RTEL1: variants seen among roughly 807,000 people sequenced by gnomAD.
The protein encoded by RTEL1 is regulator of telomere elongation helicase 1, also known as regulator of telomere length.
A neutral mutation model predicts 162.2 loss-of-function variants in RTEL1; 86 were observed. The observed-to-expected ratio is 0.53, with a 90% CI of 0.45 to 0.63. The LOEUF is 0.63. RTEL1 is among the 30% of genes least tolerant of loss of function. RTEL1 has a pLI of 0.00. For synonymous variants in RTEL1, 958 were observed against 717.9 expected (o/e 1.33, Z -5.35); for missense variants, 1,941 against 1,750.2 (o/e 1.11, Z -1.95).
intron 8 of RTEL1, among the ~76,000 whole-genome samples, chr20:63,671,188 G>A (rs1379201252): frequency 2.0e-5 from 3 of 152,132 alleles, no homozygotes; most frequent in Non-Finnish European, 4.4e-5. Flanking sequence ...AGCCTTCCGA[G>A]TAGCTGGGAC....
intron 9 of RTEL1, 132 bp downstream of exon 9, chr20:63,672,753 C>T: frequency 1.3e-6 from 1 of 742,948 alleles, no homozygotes; most frequent in South Asian, 1.6e-5. Context: ...GGACTGAGCA[C>T]ACCAGGAGCT....
rs767334623 is a variant in RTEL1 at position 63,685,843 on chromosome 20, C to G, written c.1319C>G (p.Ala440Gly). The G allele has an allele frequency of 1.1e-5, 18 of 1,612,520 alleles. No homozygotes were observed. Among genetic ancestry groups the G allele is most frequent in the Non-Finnish European group, 1.5e-5 (18 of 1,179,912 alleles). The change falls in exon 16 of 35, where the codon GCC becomes GGC. Residue 440 changes from alanine (A) to glycine (G), a missense_variant. Physicochemically the swap from Ala to Gly is moderately conservative, Grantham distance 60. Transcript: ENST00000360203. Reference protein sequence around the residue: ...GHRRTAQRSDAWSTTAARKRG... With the variant: ...GHRRTAQRSDGWSTTAARKRG... ...CGGAGGACGGCTCAGCGGTCTGATG[C>G]CTGGAGCACCACTGCAGCCAGAAAG...
chr20:63,689,401 C>T (rs1290871153), intron 22 of RTEL1, 101 bp from the exon 23 acceptor site: 4 of 1,365,408 alleles, frequency 2.9e-6, no homozygotes, highest in East Asian at 5.1e-5. Context: ...CCTCCCACCC[C>T]TGGTTGGGGA....
chr20:63,673,175 C>T (rs888733705), intron 9 of RTEL1, among the ~76,000 whole-genome samples: 3 of 151,952 alleles, frequency 2.0e-5, no homozygotes, highest in African/African-American at 4.8e-5. Flanking sequence ...GGGCGGATCA[C>T]GAGGTCAAGA....
intron 8 of RTEL1, among the ~76,000 whole-genome samples, chr20:63,671,462 T>A (rs1354498667): frequency 6.6e-6 from 1 of 152,036 alleles, no homozygotes; most frequent in Non-Finnish European, 1.5e-5. Flanking sequence ...CTCAGTACAC[T>A]TAAAATGAAC....
rs2090187895 is a variant in RTEL1, at chr20:63,668,602, G to A, written c.699+1049G>A. On this transcript the variant is annotated intron_variant, in intron 8 of 34. Transcript: ENST00000360203. This position sits in a 1 kb window ranked among gnomAD's most constrained non-coding sequence, Gnocchi z 4.3. ...TGCAGCAGAGCAAGGGAAGAGGTGA[G>A]TGGGGGCGGCTGGGGGGCCGACTCC... is the stretch of plus-strand genomic sequence containing the variant. Among the ~76,000 whole-genome samples, 1 of 152,140 alleles carries A rather than the reference G, an allele frequency of 6.6e-6. No homozygotes were observed. Among genetic ancestry groups the A allele is most frequent in the African/African-American group, 2.4e-5 (1 of 41,418 alleles).
rs938247900 is a variant in RTEL1 at position 63,668,790 on chromosome 20, C to CT, written c.699+1238dup. 6.6e-5 allele frequency among the ~76,000 whole-genome samples: 10 copies of CT among 152,300 alleles called. No individual in the cohort carries two copies. The highest frequency in any genetic ancestry group is 6.2e-4 in the South Asian group (3 of 4,826). ...TTATATCACAGCTGGTAAGCCGAGT[C>CT]TAACACTTTCACGGAAACGCAGAAG... On this transcript the variant is annotated intron_variant, in intron 8 of 34. Transcript: ENST00000360203. The surrounding 1 kb of genome is among the most constrained non-coding windows in gnomAD (Gnocchi z 4.3).
chr20:63,658,291 A>C (rs1376135663), upstream of RTEL1: 3 of 152,398 alleles, frequency 2.0e-5, no homozygotes, highest in Admixed American at 6.5e-5. Flanking sequence ...AGCACAAAGC[A>C]ACGGACCGGA....
chr20:63,690,228 G>A lies in RTEL1; in HGVS notation c.2265+18G>A, dbSNP rs2090701705. The A allele has an allele frequency of 6.2e-6, 10 of 1,610,276 alleles. No individual in the cohort carries two copies. Among genetic ancestry groups the A allele is most frequent in the Non-Finnish European group, 7.6e-6 (9 of 1,178,074 alleles). On this transcript the variant is annotated intron_variant, in intron 25 of 34. Coordinates refer to ENST00000360203, the MANE Select transcript of RTEL1 (RefSeq NM_001283009.2). Reference sequence around the variant, plus strand: ...AGCGAACTGTGAGTTCCTGCCCAGGGAGGGGATGAGGGTGTTGTCCCCAGA... The same window carrying A: ...AGCGAACTGTGAGTTCCTGCCCAGGAAGGGGATGAGGGTGTTGTCCCCAGA...
At position 63,693,162 on chromosome 20, in the gene RTEL1, G is replaced by A. The variant is rs1282351226; in HGVS notation, c.2871G>A (p.Arg957=). 10 of 1,612,190 alleles carry A rather than the reference G, an allele frequency of 6.2e-6. No individual in the cohort carries two copies. Among genetic ancestry groups the A allele is most frequent in the South Asian group, 2.2e-5 (2 of 91,092 alleles). ...CTACAGGCTTCTACCAGTTTGTGCG[G>A]CCCCACCATAAGCAGCAGTTTGAGG... ...NLLQGFYQFV[R]PHHKQQFEEV... The change falls in exon 30 of 35, where the codon CGG becomes CGA. Residue 957 remains arginine (R), a synonymous_variant. Coordinates refer to ENST00000360203, the MANE Select transcript of RTEL1 (RefSeq NM_001283009.2).
chr20:63,677,327 A>C (rs1233315952), intron 10 of RTEL1, among the ~76,000 whole-genome samples: 1 of 152,194 alleles, frequency 6.6e-6, no homozygotes, highest in Non-Finnish European at 1.5e-5. Context: ...TCTAAAGGTC[A>C]AACACCCGGC....
Position 63,696,115 on chromosome 20 carries a change from C to T in RTEL1, c.*257C>T, listed in dbSNP as rs2090974030. The T allele has an allele frequency of 1.8e-6, 1 of 543,404 alleles. No homozygotes were observed. The allele number at this position is 543,404 out of a possible 1,614,324, so 33.7% of individuals were successfully genotyped here. Reference sequence around the variant, plus strand: ...GTGCTTCCCCAGAACTTCCCTGGCTCCTGGCCTGTGAGTGGTGCCACAGGG... The same window carrying T: ...GTGCTTCCCCAGAACTTCCCTGGCTTCTGGCCTGTGAGTGGTGCCACAGGG... On this transcript the variant is annotated 3_prime_UTR_variant, in exon 35 of 35. Coordinates refer to ENST00000360203, the MANE Select transcript of RTEL1 (RefSeq NM_001283009.2).
chr20:63,665,739 C>A (rs964432892), intron 6 of RTEL1, among the ~76,000 whole-genome samples: 6 of 152,166 alleles, frequency 3.9e-5, no homozygotes, highest in Non-Finnish European at 8.8e-5. Context: ...GCGTAGAACC[C>A]TCGGGATCCT....
rs1398142446 is a variant in RTEL1, at chr20:63,687,925, G to C, written c.1482-12G>C. The C allele has an allele frequency of 6.2e-7, 1 of 1,611,696 alleles. No homozygotes were observed. The highest frequency in any genetic ancestry group is 1.1e-5 in the South Asian group (1 of 91,054). On this transcript the variant is annotated splice_polypyrimidine_tract_variant and intron_variant, in intron 17 of 34. Coordinates refer to ENST00000360203, the MANE Select transcript of RTEL1 (RefSeq NM_001283009.2). Reference sequence around the variant, plus strand: ...CACTTCCCCACTGTCTGCTCCCTCTGGCCACGCTCAGCCCTTTCCCAGTCT... The same window carrying C: ...CACTTCCCCACTGTCTGCTCCCTCTCGCCACGCTCAGCCCTTTCCCAGTCT...
At chr20:63,678,096 T>C (rs779157502) in intron 10 of RTEL1, 49 bp from the exon 11 acceptor site, 17 of 1,612,078 alleles carry the variant, frequency 1.1e-5, no homozygotes, top group Non-Finnish European at 1.4e-5. Flanking sequence ...GGCGGGGTTG[T>C]TGGCACGAGC....
At chr20:63,683,541 C>T (rs1601148962) in intron 14 of RTEL1, among the ~76,000 whole-genome samples, 1 of 152,246 alleles carries the variant, frequency 6.6e-6, no homozygotes, top group East Asian at 1.9e-4. Flanking sequence ...TGCACAAATC[C>T]ACGCATGTTG....
At chr20:63,663,068 C>T (rs995731321) in intron 6 of RTEL1, 179 bp downstream of exon 6, 19 of 651,826 alleles carry the variant, frequency 2.9e-5, no homozygotes, top group Non-Finnish European at 5.0e-5. Context: ...TGGAAGAGCT[C>T]ACACAGTGGT....
Position 63,661,768 on chromosome 20 carries a change from G to A in RTEL1, c.302-82G>A. The A allele has an allele frequency of 7.8e-7, 1 of 1,285,668 alleles. No homozygotes were observed. The highest frequency in any genetic ancestry group is 1.1e-6 in the Non-Finnish European group (1 of 883,710). 79.6% of individuals were successfully genotyped at this position (1,285,668 alleles called of 1,614,324 possible). On this transcript the variant is annotated intron_variant, in intron 3 of 34. Transcript: ENST00000360203. The surrounding 1 kb of genome is among the most constrained non-coding windows in gnomAD (Gnocchi z 5.1). Reference sequence around the variant, plus strand: ...GATTCTTGGCTGTCTGCAGGGCCGAGTTAGCCGAATGCCACCTGCCTTTGA... The same window carrying A: ...GATTCTTGGCTGTCTGCAGGGCCGAATTAGCCGAATGCCACCTGCCTTTGA...
In RTEL1 at chr20:63,661,520, C is replaced by T. The variant is rs2146149336; in HGVS notation, c.301+24C>T. ...AGGTGACCCTAGTTCCCAGGCCTCT[C>T]CTGGCCTCCTGTGGGGATGGTTGGC... On this transcript the variant is annotated intron_variant, in intron 3 of 34. Transcript: ENST00000360203. The surrounding 1 kb of genome is among the most constrained non-coding windows in gnomAD (Gnocchi z 5.1). The T allele has an allele frequency of 1.3e-6, 2 of 1,597,088 alleles. No individual in the cohort carries two copies. Among genetic ancestry groups the T allele is most frequent in the East Asian group, 4.5e-5 (2 of 44,528 alleles).
Sources: gnomAD v4.1 joint callset for allele counts (sites outside exome capture counted in the v4.1 genomes callset) on GRCh38, gnomAD v4.1.1 for gene constraint, Gnocchi (gnomAD v3.1) non-coding constraint, MANE v1.5 for transcripts, NCBI Gene and HGNC (gene_info 2026-07-23, HGNC 2026-07-21) for gene names.